Variants in IL1R1 observed in about 807,000 individuals in gnomAD.
The protein encoded by IL1R1 is interleukin-1 receptor type 1.
Under a neutral mutation model 50.2 loss-of-function variants are expected in IL1R1, and 22 were observed. The ratio of observed to expected loss-of-function variants is 0.44; its 90% CI spans 0.31 to 0.63. IL1R1 has a LOEUF of 0.63. Among genes scored for constraint, IL1R1 ranks in the 20% least tolerant of loss-of-function variants. The pLI is 0.07. For synonymous variants in IL1R1, 251 were observed against 236.7 expected (o/e 1.06, Z -0.55); for missense variants, 509 against 676.2 (o/e 0.75, Z 2.74).
intron 3 of IL1R1, among the ~76,000 whole-genome samples, chr2:102,163,471 T>C (rs1186423373): frequency 1.3e-5 from 2 of 152,004 alleles, no homozygotes; most frequent in East Asian, 3.9e-4. Context: ...TCACTCATCT[T>C]TTTTTTTCCT....
At chr2:102,128,532 T>C (rs1416434886) in intron 1 of IL1R1, among the ~76,000 whole-genome samples, 2 of 152,230 alleles carry the variant, frequency 1.3e-5, no homozygotes, top group African/African-American at 4.8e-5. Flanking sequence ...CTGGGGACTA[T>C]TGATAACATT....
intron 1 of IL1R1, among the ~76,000 whole-genome samples, chr2:102,134,319 C>G (rs1682215858): frequency 6.6e-6 from 1 of 152,126 alleles, no homozygotes; most frequent in Non-Finnish European, 1.5e-5. Context: ...CAGGGTCTTT[C>G]CAAATTACCA....
chr2:102,143,106 A>G (rs1682816955), intron 1 of IL1R1, 86 bp downstream of exon 1: 1 of 152,334 alleles, frequency 6.6e-6, no homozygotes, highest in South Asian at 2.1e-4. Flanking sequence ...GCTCTGCAGG[A>G]CGCCGTGAGC....
At chr2:102,108,534 C>T (rs575360996) in intron 1 of IL1R1, among the ~76,000 whole-genome samples, 19 of 151,918 alleles carry the variant, frequency 1.3e-4, no homozygotes, top group Non-Finnish European at 2.1e-4. Context: ...ACCCAGAGGG[C>T]GGATCAATCA....
chr2:102,160,258 T>C (rs1054027272), intron 3 of IL1R1, among the ~76,000 whole-genome samples: 9 of 152,088 alleles, frequency 5.9e-5, no homozygotes, highest in Admixed American at 1.3e-4. Context: ...AAAAGAGATG[T>C]CATCTCTTTT....
At chr2:102,159,626 C>T (rs1559497434) in intron 3 of IL1R1, among the ~76,000 whole-genome samples, 1 of 152,136 alleles carries the variant, frequency 6.6e-6, no homozygotes, top group Non-Finnish European at 1.5e-5. Flanking sequence ...TGAGTTTTTC[C>T]AGCAAACGCC....
intron 1 of IL1R1, among the ~76,000 whole-genome samples, chr2:102,091,065 T>C (rs990394906): frequency 6.6e-6 from 1 of 152,242 alleles, no homozygotes; most frequent in Non-Finnish European, 1.5e-5. Flanking sequence ...GGGCTTTTCA[T>C]AGAGAGCCTT....
chr2:102,109,700 A>G (rs1680634201), intron 1 of IL1R1, among the ~76,000 whole-genome samples: 1 of 152,190 alleles, frequency 6.6e-6, no homozygotes, highest in South Asian at 2.1e-4. Flanking sequence ...TTCAGACCAG[A>G]TCCTCCCTGG....
chr2:102,156,679 T>A (rs1684225500), intron 2 of IL1R1, among the ~76,000 whole-genome samples: 1 of 152,062 alleles, frequency 6.6e-6, no homozygotes, highest in South Asian at 2.1e-4. Context: ...ACCCAGCTAA[T>A]TTTTGTACTT....
chr2:102,115,694 G>C (rs1390548016), intron 1 of IL1R1, among the ~76,000 whole-genome samples: 1 of 152,276 alleles, frequency 6.6e-6, no homozygotes, highest in Admixed American at 6.5e-5. Flanking sequence ...ATAGGCCTTG[G>C]AGGGGGGAGA....
At chr2:102,072,064 C>T (rs1559446684) in intron 1 of IL1R1, among the ~76,000 whole-genome samples, 1 of 151,968 alleles carries the variant, frequency 6.6e-6, no homozygotes, top group African/African-American at 2.4e-5. Flanking sequence ...TCGAGACCAC[C>T]CTGGCTGACA....
At chr2:102,078,261 C>A in intron 1 of IL1R1, among the ~76,000 whole-genome samples, 1 of 151,794 alleles carries the variant, frequency 6.6e-6, no homozygotes, top group East Asian at 1.9e-4. Context: ...AGAAAATCAA[C>A]AAACCAAATG....
intron 8 of IL1R1, chr2:102,172,203 C>G: frequency 6.7e-5 from 56 of 838,428 alleles, no homozygotes; most frequent in South Asian, 1.1e-4. Flanking sequence ...TTTCATTATT[C>G]TTCATATTCC....
chr2:102,126,065 GCT>G (rs1419978695), intron 1 of IL1R1, among the ~76,000 whole-genome samples: 1 of 152,172 alleles, frequency 6.6e-6, no homozygotes, highest in Admixed American at 6.5e-5. Flanking sequence ...GCCTTATAAT[GCT>G]CTTTTTCTTA....
chr2:102,172,385 T>A (rs1198435483), intron 8 of IL1R1: 1 of 985,222 alleles, frequency 1.0e-6, no homozygotes, highest in Non-Finnish European at 1.2e-6. Context: ...CCCAATCTCC[T>A]CTTGTTTAGT....
At position 102,092,549 on chromosome 2, in the gene IL1R1, A is replaced by G. The variant is rs7600061; in HGVS notation, c.-84+22016A>G. On this transcript the variant is annotated intron_variant, in intron 1 of 11. Transcript: ENST00000409929. ...TGTTTCTTAAGTGCTCTTTAAACCA[A>G]TTCTTTTTGGGATTTTTCCCTATTC... 5.3e-3 allele frequency among the ~76,000 whole-genome samples: 810 copies of G among 152,122 alleles called. 4 individuals are homozygous for G. Among genetic ancestry groups the G allele is most frequent in the African/African-American group, 0.019 (784 of 41,496 alleles).
chr2:102,173,803 A>G (rs1438593752), intron 9 of IL1R1, among the ~76,000 whole-genome samples: 1 of 152,206 alleles, frequency 6.6e-6, no homozygotes, highest in Non-Finnish European at 1.5e-5. Flanking sequence ...AGGACCAAGT[A>G]TAGTCATGGT....
intron 1 of IL1R1, among the ~76,000 whole-genome samples, chr2:102,137,139 G>T (rs1274803788): frequency 6.6e-6 from 1 of 152,176 alleles, no homozygotes; most frequent in African/African-American, 2.4e-5. Flanking sequence ...CAGAGGTGAT[G>T]CTGGAGAAGG....
intron 1 of IL1R1, among the ~76,000 whole-genome samples, chr2:102,077,464 A>G (rs564827021): frequency 6.6e-6 from 1 of 152,344 alleles, no homozygotes; most frequent in South Asian, 2.1e-4. Context: ...TTTTATCTCA[A>G]TTAGTTATTT....
Sources: allele counts gnomAD v4.1 joint callset (sites outside exome capture counted in the v4.1 genomes callset), GRCh38; gene constraint gnomAD v4.1.1; transcripts MANE v1.5; gene names NCBI Gene and HGNC (gene_info 2026-07-23, HGNC 2026-07-21).